The following DLX2 variants were observed in gnomAD, a reference collection of about 807,000 sequenced individuals.
DLX2 encodes distal-less homeobox 2.
A neutral mutation model predicts 27.4 loss-of-function variants in DLX2; 8 were observed. The observed-to-expected ratio is 0.29, with a 90% CI of 0.17 to 0.53. The LOEUF (loss-of-function observed/expected upper bound fraction) is 0.53. DLX2 is among the 20% of genes least tolerant of loss of function. The pLI, the probability that DLX2 is intolerant of heterozygous loss-of-function variation, is 0.96. For synonymous variants in DLX2, 210 were observed against 200.8 expected (o/e 1.05, Z -0.39); for missense variants, 421 against 450.9 (o/e 0.93, Z 0.60).
intron 1 of DLX2, 21 bp downstream of exon 1, chr2:172,102,118 T>C (rs942272557): frequency 2.5e-6 from 4 of 1,606,512 alleles, no homozygotes; most frequent in Non-Finnish European, 3.4e-6. Flanking sequence ...TCGGCACTCT[T>C]GACTTCAGCG....
chr2:172,101,737 G>C, intron 1 of DLX2, 91 bp from the exon 2 acceptor site: 1 of 1,376,152 alleles, frequency 7.3e-7, no homozygotes, highest in South Asian at 1.3e-5. Flanking sequence ...GACTTGGCTT[G>C]AGCAAAGAGG....
chr2:172,102,089 T>C, intron 1 of DLX2, 50 bp downstream of exon 1: 4 of 1,569,572 alleles, frequency 2.5e-6, no homozygotes, highest in Non-Finnish European at 3.5e-6. Context: ...TACCCATCCA[T>C]CCCATTAACT....
At chr2:172,102,103 C>G in intron 1 of DLX2, 36 bp downstream of exon 1, 3 of 1,592,010 alleles carry the variant, frequency 1.9e-6, no homozygotes, top group Non-Finnish European at 2.6e-6. Context: ...ATTAACTAGA[C>G]CGACTCGGCA....
At position 172,100,912 on chromosome 2, in the gene DLX2, C is replaced by T; in HGVS notation, c.618G>A (p.Lys206=). The T allele has an allele frequency of 6.2e-7, 1 of 1,612,758 alleles. No individual in the cohort carries two copies. The highest frequency in any genetic ancestry group is 2.2e-5 in the East Asian group (1 of 44,790). The change falls in exon 3 of 3, where the codon AAG becomes AAA. Residue 206 remains lysine (K), a synonymous_variant. Coordinates refer to ENST00000234198, the MANE Select transcript of DLX2 (RefSeq NM_004405.4). The surrounding 1 kb of genome is among the most constrained non-coding windows in gnomAD (Gnocchi z 4.5). ...VKIWFQNRRS[K]FKKMWKSGEI... is the part of the protein sequence containing the mutation. ...CACCACTTTTCCACATCTTCTTGAA[C>T]TTGGACCGGCGGTTCTGGAACCAGA...
rs1431734189 is a variant in DLX2 at position 172,102,881 on chromosome 2, G to C, written c.-343C>G. 87 of 295,310 alleles carry C rather than the reference G, an allele frequency of 2.9e-4. 1 individual carries two copies. Among genetic ancestry groups the C allele is most frequent in the African/African-American group, 2.2e-5 (1 of 45,410 alleles). The allele number at this position is 295,310 out of a possible 1,614,324, so 18.3% of individuals were successfully genotyped here. On this transcript the variant is annotated 5_prime_UTR_variant, in exon 1 of 3. Coordinates refer to ENST00000234198, the MANE Select transcript of DLX2 (RefSeq NM_004405.4). ...GAGGCGGGAGCAGGTGAGCGGCCCC[G>C]AGCGGCTTTACGATTGTCTGCCAGG...
At position 172,099,976 on chromosome 2, in the gene DLX2, G is replaced by C. The variant is rs1341114784; in HGVS notation, c.*567C>G. ...GAGGGAGCGCTCCTGGGGGAGCGCGGTGGGGGTAAGATAAGGGATGGGGGC... is the reference window on the plus strand; with the variant it reads ...GAGGGAGCGCTCCTGGGGGAGCGCGCTGGGGGTAAGATAAGGGATGGGGGC... On this transcript the variant is annotated 3_prime_UTR_variant, in exon 3 of 3. Transcript: ENST00000234198. 1.3e-5 allele frequency: 2 copies of C among 152,418 alleles called. No homozygotes were observed. Among genetic ancestry groups the C allele is most frequent in the Non-Finnish European group, 2.9e-5 (2 of 68,082 alleles). The allele number at this position is 152,418 out of a possible 1,614,324, so 9.4% of individuals were successfully genotyped here. A position where few individuals can be genotyped will look rare whatever the true frequency, so the allele number is the denominator to read the frequency against.
At position 172,100,603 on chromosome 2, in the gene DLX2, A is replaced by G. The variant is rs1172276491; in HGVS notation, c.927T>C (p.His309=). ...CGCCGCCGTGATGGTGGTGGTGGTG[A>G]TGCGGCTGCGGGGTCTGAGTGGGGT... The part of the protein sequence containing the change: ...LLHPTQTPQP[H]HHHHHHGGGG... The change falls in exon 3 of 3, where the codon CAT becomes CAC. Residue 309 remains histidine, a synonymous_variant. Coordinates refer to ENST00000234198, the MANE Select transcript of DLX2 (RefSeq NM_004405.4). This position sits in a 1 kb window ranked among gnomAD's most constrained non-coding sequence, Gnocchi z 4.5. 4.4e-6 allele frequency: 7 copies of G among 1,575,218 alleles called. No individual in the cohort carries two copies. In the Admixed American group the frequency reaches 1.3e-4, roughly 29 times the overall value.
At position 172,102,132 on chromosome 2, in the gene DLX2, T is replaced by G; in HGVS notation, c.400+7A>C. 2 of 1,612,314 alleles carry G rather than the reference T, an allele frequency of 1.2e-6. No homozygotes were observed. The highest frequency in any genetic ancestry group is 1.7e-6 in the Non-Finnish European group (2 of 1,179,002). Reference sequence around the variant, plus strand: ...CTCGGCACTCTTGACTTCAGCGTTATGCATACCAGGCTCGTTGTTGGCTGG... The same window carrying G: ...CTCGGCACTCTTGACTTCAGCGTTAGGCATACCAGGCTCGTTGTTGGCTGG... On this transcript the variant is annotated splice_region_variant and intron_variant, in intron 1 of 2. Transcript: ENST00000234198.
Position 172,102,322 on chromosome 2 carries a change from G to T in DLX2, c.217C>A (p.Pro73Thr), listed in dbSNP as rs1691177365. The T allele has an allele frequency of 1.2e-6, 2 of 1,606,886 alleles. No homozygotes were observed. Among genetic ancestry groups the T allele is most frequent in the Non-Finnish European group, 1.7e-6 (2 of 1,176,594 alleles). ...DSSYYTNQQHPAGGGGGGGSP... is the reference protein window; with the variant it reads ...DSSYYTNQQHTAGGGGGGGSP... ...CCCCCGCCGCCGCCGCCGCCCGCCG[G>T]GTGCTGCTGGTTGGTGTAGTAGCTG... is the stretch of plus-strand genomic sequence containing the variant. Residue 73 changes from proline (P) to threonine (T), a missense_variant, in exon 1 of 3, where the codon CCG becomes ACG. Transcript: ENST00000234198.
In DLX2 at chr2:172,099,910, C is replaced by A. The variant is rs10930504; in HGVS notation, c.*633G>T. ...GGCACCTAAACTTTTAAAAAAATAACAAATAAAAAAACTCCACTGGTGATG... is the reference window on the plus strand; with the variant it reads ...GGCACCTAAACTTTTAAAAAAATAAAAAATAAAAAAACTCCACTGGTGATG... On this transcript the variant is annotated 3_prime_UTR_variant, in exon 3 of 3. Coordinates refer to ENST00000234198, the MANE Select transcript of DLX2 (RefSeq NM_004405.4). The A allele has an allele frequency of 0.93, 141,554 of 152,584 alleles. 66,644 individuals carry two copies. The highest frequency in any genetic ancestry group is 1 in the East Asian group (5,180 of 5,180). The allele number at this position is 152,584 out of a possible 1,614,324, so 9.5% of individuals were successfully genotyped here.
Position 172,100,764 on chromosome 2 carries a change from C to T in DLX2, c.766G>A (p.Gly256Ser), listed in dbSNP as rs759773339. 3.4e-5 allele frequency: 54 copies of T among 1,574,464 alleles called. No homozygotes were observed. In the African/African-American group the frequency reaches 5.6e-4, roughly 16 times the overall value. ...PQRMAGGGGP[G>S]SGGSGAGSSG... ...CTGCCGGCGCCGCTGCCGCCACTGC[C>T]CGGACCACCGCCGCCCGCCATCCGC... Residue 256 changes from glycine to serine, a missense_variant, in exon 3 of 3, where the codon GGC (glycine) becomes AGC (serine). By Grantham distance (56) the Gly-to-Ser change is moderately conservative. Coordinates refer to ENST00000234198, the MANE Select transcript of DLX2 (RefSeq NM_004405.4). The surrounding 1 kb of genome is among the most constrained non-coding windows in gnomAD (Gnocchi z 4.5).
chr2:172,099,852 T>C lies in DLX2; in HGVS notation c.*691A>G, dbSNP rs1463308430. The C allele has an allele frequency of 2.6e-5, 4 of 152,596 alleles. No homozygotes were observed. Among genetic ancestry groups the C allele is most frequent in the Admixed American group, 2.6e-4 (4 of 15,284 alleles). The allele number at this position is 152,596 out of a possible 1,614,324, so 9.5% of individuals were successfully genotyped here. ...GCAGTGTTCACATATTAAAAAATCATTTTTTCAACGTCAAAATGAGGTCAT... is the reference window on the plus strand; with the variant it reads ...GCAGTGTTCACATATTAAAAAATCACTTTTTCAACGTCAAAATGAGGTCAT... On this transcript the variant is annotated 3_prime_UTR_variant, in exon 3 of 3. Transcript: ENST00000234198.
intron 2 of DLX2, 124 bp from the exon 3 acceptor site, chr2:172,101,068 G>A (rs1353567785): frequency 1.3e-5 from 13 of 1,033,224 alleles, no homozygotes; most frequent in Non-Finnish European, 1.7e-5. Context: ...AGCGCCCTGG[G>A]GAGATAAGAG....
In DLX2 at chr2:172,100,384, G is replaced by T. The variant is rs1024382665; in HGVS notation, c.*159C>A. 1.4e-4 allele frequency: 99 copies of T among 729,724 alleles called. No individual in the cohort carries two copies. The Admixed American group carries it at 1.7e-3, about 13-fold the overall frequency. 45.2% of individuals were successfully genotyped at this position (729,724 alleles called of 1,614,324 possible). A position where few individuals can be genotyped will look rare whatever the true frequency, so the allele number is the denominator to read the frequency against. ...CCCCGAGAGAGGGGCCCGTTTGGTG[G>T]CCCCGGGAGTGAGCAGGGCCTGAGA... On this transcript the variant is annotated 3_prime_UTR_variant, in exon 3 of 3. Transcript: ENST00000234198. The surrounding 1 kb of genome is among the most constrained non-coding windows in gnomAD (Gnocchi z 4.5).
At position 172,100,167 on chromosome 2, in the gene DLX2, A is replaced by C; in HGVS notation, c.*376T>G. On this transcript the variant is annotated 3_prime_UTR_variant, in exon 3 of 3. Transcript: ENST00000234198. The surrounding 1 kb of genome is among the most constrained non-coding windows in gnomAD (Gnocchi z 4.5). ...GAAAGAAGCCTCAGAGCGCCCGGGA[A>C]GCCTCGCGCGCCTGGGAGGCTTCCA... The C allele has an allele frequency of 2.1e-5, 4 of 187,064 alleles. No individual in the cohort carries two copies. Among genetic ancestry groups the C allele is most frequent in the South Asian group, 1.9e-4 (1 of 5,352 alleles). 11.6% of individuals were successfully genotyped at this position (187,064 alleles called of 1,614,324 possible).
At chr2:172,101,735 T>C in intron 1 of DLX2, 89 bp from the exon 2 acceptor site, 2 of 1,409,532 alleles carry the variant, frequency 1.4e-6, no homozygotes, top group Non-Finnish European at 2.0e-6. Flanking sequence ...GGGACTTGGC[T>C]TGAGCAAAGA....
Position 172,100,628 on chromosome 2 carries a change from T to C in DLX2, c.902A>G (p.His301Arg). 2 of 1,566,806 alleles carry C rather than the reference T, an allele frequency of 1.3e-6. No individual in the cohort carries two copies. Among genetic ancestry groups the C allele is most frequent in the Non-Finnish European group, 1.7e-6 (2 of 1,161,934 alleles). The change falls in exon 3 of 3, where the codon CAC (histidine) becomes CGC (arginine). Residue 301 changes from histidine (H) to arginine (R), a missense_variant. This residue lies in a region of DLX2 where 185 missense variants were observed against 171.1 expected (regional missense o/e 1.08). Transcript: ENST00000234198. The surrounding 1 kb of genome is among the most constrained non-coding windows in gnomAD (Gnocchi z 4.5). ...ATGCGGCTGCGGGGTCTGAGTGGGG[T>C]GCAGCAGCGGCGCCGTGGCCTGCAG... is the stretch of plus-strand genomic sequence containing the variant. Reference protein sequence around the residue: ...SHLQATAPLLHPTQTPQPHHH... With the variant: ...SHLQATAPLLRPTQTPQPHHH...
In DLX2 at chr2:172,100,733, C is replaced by G. The variant is rs994949088; in HGVS notation, c.797G>C (p.Gly266Ala). 2 of 1,549,304 alleles carry G rather than the reference C, an allele frequency of 1.3e-6. No homozygotes were observed. The highest frequency in any genetic ancestry group is 2.2e-5 in the Admixed American group (1 of 45,936). ...GSGGSGAGSS[G>A]SSPSSAASAF... ...CGAGGCCGCGCTGCTCGGGCTGGAG[C>G]CCGAGCTGCCGGCGCCGCTGCCGCC... Residue 266 changes from glycine (G) to alanine (A), a missense_variant, in exon 3 of 3, where the codon GGC becomes GCC. Gly to Ala is a moderately conservative substitution (Grantham distance 60). Coordinates refer to ENST00000234198, the MANE Select transcript of DLX2 (RefSeq NM_004405.4). This position sits in a 1 kb window ranked among gnomAD's most constrained non-coding sequence, Gnocchi z 4.5.
chr2:172,100,892 C>G lies in DLX2; in HGVS notation c.638G>C (p.Ser213Thr), dbSNP rs765743540. 9 of 1,613,002 alleles carry G rather than the reference C, an allele frequency of 5.6e-6. No individual in the cohort carries two copies. In the South Asian group the frequency reaches 8.8e-5, roughly 16 times the overall value. Residue 213 changes from serine (S) to threonine (T), a missense_variant, in exon 3 of 3, where the codon AGT becomes ACT. Physicochemically the swap from Ser to Thr is moderately conservative, Grantham distance 58 (BLOSUM62 1). Transcript: ENST00000234198. The surrounding 1 kb of genome is among the most constrained non-coding windows in gnomAD (Gnocchi z 4.5). ...RRSKFKKMWK[S>T]GEIPSEQHPG... Reference sequence around the variant, plus strand: ...GTGCTGCTCCGAGGGGATCTCACCACTTTTCCACATCTTCTTGAACTTGGA... The same window carrying G: ...GTGCTGCTCCGAGGGGATCTCACCAGTTTTCCACATCTTCTTGAACTTGGA...
Sources: gnomAD v4.1 joint callset for allele counts on GRCh38, gnomAD v4.1.1 for gene constraint, gnomAD v4.1.1 regional missense constraint, Gnocchi (gnomAD v3.1) non-coding constraint, MANE v1.5 for transcripts, NCBI Gene and HGNC (gene_info 2026-07-23, HGNC 2026-07-21) for gene names.